The following SYNE2 variants were observed in gnomAD, a reference collection of about 807,000 sequenced individuals.
SYNE2 encodes spectrin repeat containing nuclear envelope protein 2, also known as nesprin-2.
SYNE2 carries 431 observed loss-of-function variants against 856.3 expected under a neutral mutation model. That is an observed-to-expected ratio of 0.50 (90% CI 0.47 to 0.55). The LOEUF is 0.55. Ranked by LOEUF, SYNE2 falls within the 20% of genes least tolerant of loss-of-function variation. The probability of loss-of-function intolerance (pLI) is 0.00; values close to 1 mark genes in which losing one functional copy is unlikely to be tolerated. For missense variants in SYNE2, 8,129 were observed against 8,023.2 expected, an observed-to-expected ratio of 1.01 and a Z score of -0.50; for synonymous variants, 2,923 against 2,872.3, an observed-to-expected ratio of 1.02 and a Z score of -0.56.
At chr14:64,074,673 A>T (rs2097442640) in intron 53 of SYNE2, among the ~76,000 whole-genome samples, 1 of 152,216 alleles carries the variant, frequency 6.6e-6, no homozygotes, top group Non-Finnish European at 1.5e-5. Flanking sequence ...AGGCAGGCAG[A>T]TCACTTGGGG....
At position 63,963,996 on chromosome 14, in the gene SYNE2, ATAATG is replaced by A; in HGVS notation, c.990_990+4del. On this transcript the variant is annotated splice_donor_variant and coding_sequence_variant, in exon 10 of 116. Transcript: ENST00000555002. LOFTEE classifies it high-confidence loss of function. Reference sequence around the variant, plus strand: ...GAGAATGATACCTACTTTAAAAAGTATAATGTAAGTATGATTTTAAACAGCTGTTT... The same window carrying A: ...GAGAATGATACCTACTTTAAAAAGTATAAGTATGATTTTAAACAGCTGTTT... The A allele has an allele frequency of 3.2e-6, 5 of 1,560,914 alleles. No individual in the cohort carries two copies. The South Asian group carries it at 5.6e-5, about 17-fold the overall frequency.
intron 71 of SYNE2, 101 bp from the exon 72 acceptor site, chr14:64,126,226 G>T: frequency 9.8e-7 from 1 of 1,023,636 alleles, no homozygotes; most frequent in South Asian, 1.4e-5. Context: ...TACAAAAGAA[G>T]CATAACATAA....
chr14:64,188,039 T>C (rs1298245695), intron 97 of SYNE2, among the ~76,000 whole-genome samples: 1 of 152,216 alleles, frequency 6.6e-6, no homozygotes, highest in Admixed American at 6.5e-5. Flanking sequence ...GTGATGTACA[T>C]TGTTTTTGGT....
At position 63,903,811 on chromosome 14, in the gene SYNE2, C is replaced by CTT. The variant is rs35370942; in HGVS notation, c.-51-5276_-51-5275dup. Among the ~76,000 whole-genome samples the CTT allele has an allele frequency of 2.0e-3, 290 of 145,954 alleles. 1 individual carries two copies. Among genetic ancestry groups the CTT allele is most frequent in the African/African-American group, 5.4e-3 (216 of 39,728 alleles). On this transcript the variant is annotated intron_variant, in intron 1 of 115. Coordinates refer to ENST00000555002, the MANE Select transcript of SYNE2 (RefSeq NM_182914.3). ...ATTAATATTCAATGAAATGGCCATT[C>CTT]TTTTTTTTTTTTAATTTCAGAGACA...
intron 100 of SYNE2, among the ~76,000 whole-genome samples, chr14:64,203,521 G>T (rs1383752054): frequency 6.6e-6 from 1 of 152,196 alleles, no homozygotes; most frequent in African/African-American, 2.4e-5. Flanking sequence ...AAGCTGCTGA[G>T]TTCTGCCAGT....
intron 35 of SYNE2, 112 bp from the exon 36 acceptor site, chr14:64,021,203 A>C: frequency 1.2e-6 from 1 of 831,580 alleles, no homozygotes; most frequent in South Asian, 1.4e-5. Context: ...AATGAAAAGA[A>C]TGCATTTCAC....
chr14:63,859,797 C>T (rs1892995323), intron 1 of SYNE2, among the ~76,000 whole-genome samples: 1 of 152,196 alleles, frequency 6.6e-6, no homozygotes, highest in Non-Finnish European at 1.5e-5. Flanking sequence ...GCCTGGGCAA[C>T]AGAGCAAGAC....
chr14:64,117,447 A>G (rs2097861105), intron 66 of SYNE2, among the ~76,000 whole-genome samples: 1 of 152,030 alleles, frequency 6.6e-6, no homozygotes, highest in African/African-American at 2.4e-5. Context: ...CTACAGGCGT[A>G]CACCACCATG....
chr14:63,776,749 G>A (rs976020058), intron 1 of SYNE2, among the ~76,000 whole-genome samples: 5 of 151,668 alleles, frequency 3.3e-5, no homozygotes, highest in Non-Finnish European at 1.5e-5. Flanking sequence ...ACAAGTGTGC[G>A]CCACCACCAC....
At chr14:64,176,763 G>A (rs1482239233) in intron 95 of SYNE2, among the ~76,000 whole-genome samples, 2 of 151,638 alleles carry the variant, frequency 1.3e-5, no homozygotes, top group African/African-American at 4.9e-5. Context: ...TGGGGAGAGA[G>A]GAAGAACTTT....
rs1163767931 is a variant in SYNE2, at chr14:64,158,813, T to A, written c.15963+18T>A. 2 of 1,613,342 alleles carry A rather than the reference T, an allele frequency of 1.2e-6. No individual in the cohort carries two copies. The highest frequency in any genetic ancestry group is 1.7e-5 in the Admixed American group (1 of 59,998). On this transcript the variant is annotated intron_variant, in intron 86 of 115. Coordinates refer to ENST00000555002, the MANE Select transcript of SYNE2 (RefSeq NM_182914.3). ...ACCTTCAGGTAAATTAACCAGAGCT[T>A]GGCATGGTGCATTATTGGCAGGAAA...
At chr14:64,051,020 C>CA (rs202017735) in intron 47 of SYNE2, among the ~76,000 whole-genome samples, 9,329 of 104,322 alleles carry the variant, frequency 0.089, 619 homozygotes, top group African/African-American at 0.23. Context: ...GACTCTGCCT[C>CA]AAAAAAAAAA....
chr14:63,803,737 C>T (rs1390471938), intron 1 of SYNE2, among the ~76,000 whole-genome samples: 1 of 152,220 alleles, frequency 6.6e-6, no homozygotes, highest in Non-Finnish European at 1.5e-5. Context: ...CTGAAGGGCT[C>T]CTCAAGTGCC....
At position 64,080,526 on chromosome 14, in the gene SYNE2, T is replaced by C. The variant is rs776026528; in HGVS notation, c.11234T>C (p.Val3745Ala). The C allele has an allele frequency of 6.8e-6, 11 of 1,614,066 alleles. No individual in the cohort carries two copies. The South Asian group carries it at 8.8e-5, about 13-fold the overall frequency. ...CTGGATTCTGAAGTTCAGGACATTG[T>C]TGAACAGGACCCAGGACAGGCTCAA... ...NELDSEVQDI[V>A]EQDPGQAQEW... The change falls in exon 56 of 116, where the codon GTT becomes GCT. Residue 3745 changes from valine to alanine, a missense_variant. By Grantham distance (64) the Val-to-Ala change is moderately conservative. Transcript: ENST00000555002.
chr14:64,117,847 A>G (rs1275462362), intron 66 of SYNE2, among the ~76,000 whole-genome samples: 2 of 152,188 alleles, frequency 1.3e-5, no homozygotes, highest in African/African-American at 2.4e-5. Context: ...GAGTATGAAT[A>G]TGCTGGACAA....
chr14:63,770,417 G>A (rs1212105556), intron 1 of SYNE2, among the ~76,000 whole-genome samples: 1 of 152,146 alleles, frequency 6.6e-6, no homozygotes, highest in Non-Finnish European at 1.5e-5. Flanking sequence ...AGTGATAACT[G>A]AGTATTTTGG....
At chr14:63,875,415 T>G (rs1224710376) in intron 1 of SYNE2, among the ~76,000 whole-genome samples, 1 of 152,202 alleles carries the variant, frequency 6.6e-6, no homozygotes. Context: ...TTACAGATAC[T>G]AAGTTCTATT....
chr14:64,207,944 C>T (rs902256638), intron 100 of SYNE2: 1 of 454,122 alleles, frequency 2.2e-6, no homozygotes, highest in Non-Finnish European at 4.4e-6. Context: ...CCTTATCTCT[C>T]TCCCTCCCCG....
At chr14:63,850,462 C>A (rs1184166040), upstream of SYNE2, among the ~76,000 whole-genome samples, 2 of 151,946 alleles carry the variant, frequency 1.3e-5, no homozygotes, top group Non-Finnish European at 2.9e-5. Context: ...AGGTTCATGG[C>A]AACCCTTACT....
Sources: allele counts gnomAD v4.1 joint callset (sites outside exome capture counted in the v4.1 genomes callset), GRCh38; gene constraint gnomAD v4.1.1; transcripts MANE v1.5; gene names NCBI Gene and HGNC (gene_info 2026-07-23, HGNC 2026-07-21).